The following DENND4A variants were observed in gnomAD, a reference collection of about 807,000 sequenced individuals.
The protein encoded by DENND4A is DENN domain containing 4A.
Under a neutral mutation model 199.3 loss-of-function variants are expected in DENND4A, and 70 were observed. The ratio of observed to expected loss-of-function variants is 0.35; its 90% CI spans 0.29 to 0.43. The LOEUF is 0.43. Among genes scored for constraint, DENND4A ranks in the 20% least tolerant of loss-of-function variants. DENND4A has a pLI of 1.00. For missense variants in DENND4A, 1,723 were observed against 2,255.8 expected (o/e 0.76, Z 4.78); for synonymous variants, 686 against 766.9 (o/e 0.89, Z 1.74).
intron 4 of DENND4A, among the ~76,000 whole-genome samples, chr15:65,742,917 TAA>T (rs1294298775): frequency 1.3e-5 from 2 of 152,320 alleles, no homozygotes; most frequent in South Asian, 2.1e-4. Context: ...ATAATTTATT[TAA>T]AAGTTTTGAA....
chr15:65,688,337 C>A (rs2076862451), intron 23 of DENND4A, among the ~76,000 whole-genome samples: 1 of 152,176 alleles, frequency 6.6e-6, no homozygotes, highest in Non-Finnish European at 1.5e-5. Context: ...CTTCCAACAT[C>A]TGAGTCATTC....
At chr15:65,774,921 G>C (rs867519109) in intron 1 of DENND4A, among the ~76,000 whole-genome samples, 1 of 146,590 alleles carries the variant, frequency 6.8e-6, no homozygotes, top group Non-Finnish European at 1.5e-5. Context: ...ACCCAGGCTG[G>C]AATGCAGTGG....
intron 3 of DENND4A, among the ~76,000 whole-genome samples, chr15:65,755,800 A>G (rs1449767972): frequency 1.3e-5 from 2 of 152,174 alleles, no homozygotes; most frequent in Non-Finnish European, 2.9e-5. Context: ...ACTGATCATT[A>G]TAACATGCTT....
chr15:65,672,965 A>G (rs981718268), intron 24 of DENND4A, among the ~76,000 whole-genome samples: 1 of 151,752 alleles, frequency 6.6e-6, no homozygotes, highest in African/African-American at 2.4e-5. Flanking sequence ...GGTTCAAGCA[A>G]TTCTCCTGCC....
chr15:65,746,260 C>G (rs1432046330), intron 4 of DENND4A, among the ~76,000 whole-genome samples: 1 of 151,580 alleles, frequency 6.6e-6, no homozygotes, highest in African/African-American at 2.4e-5. Flanking sequence ...AATAAGTATC[C>G]ACATTGTGGT....
At chr15:65,767,900 G>A (rs868566695) in intron 1 of DENND4A, among the ~76,000 whole-genome samples, 2 of 152,160 alleles carry the variant, frequency 1.3e-5, no homozygotes, top group Non-Finnish European at 2.9e-5. Flanking sequence ...AGAGATAAAG[G>A]AGAATAAAAT....
rs114687496 is a variant in DENND4A at position 65,710,988 on chromosome 15, G to A, written c.1953+4490C>T. 2.5e-3 allele frequency among the ~76,000 whole-genome samples: 376 copies of A among 152,198 alleles called. 1 individual carries two copies. The highest frequency in any genetic ancestry group is 8.7e-3 in the African/African-American group (362 of 41,522). ...CACCAGAAGCAGATGCCAGCACCTC[G>A]CTTTCTATAAAGCCAGTAGAACTAG... is the stretch of plus-strand genomic sequence containing the variant. On this transcript the variant is annotated intron_variant, in intron 14 of 32. Transcript: ENST00000443035.
intron 18 of DENND4A, 122 bp from the exon 19 acceptor site, chr15:65,701,314 C>G (rs1264641411): frequency 9.7e-6 from 8 of 827,286 alleles, no homozygotes; most frequent in Middle Eastern, 7.6e-4. Context: ...TGCCTGTAAT[C>G]CCAGCAATTT....
chr15:65,786,562 T>C (rs1482421809), intron 1 of DENND4A, among the ~76,000 whole-genome samples: 4 of 151,386 alleles, frequency 2.6e-5, no homozygotes, highest in African/African-American at 7.3e-5. Flanking sequence ...AAACCCAGTC[T>C]CTAAAAAGAA....
intron 23 of DENND4A, among the ~76,000 whole-genome samples, chr15:65,686,045 C>T (rs1299219914): frequency 6.6e-6 from 1 of 152,148 alleles, no homozygotes; most frequent in African/African-American, 2.4e-5. Flanking sequence ...ATCAGCTTGT[C>T]AAATTCTACA....
rs145565661 is a variant in DENND4A at position 65,676,654 on chromosome 15, C to G, written c.4180-20G>C. Reference sequence around the variant, plus strand: ...TTGATCCTAAGGACATAATTATAAGCTTAATTTCTTGTACATTTAAAGGTA... The same window carrying G: ...TTGATCCTAAGGACATAATTATAAGGTTAATTTCTTGTACATTTAAAGGTA... On this transcript the variant is annotated intron_variant, in intron 23 of 32. Transcript: ENST00000443035. 1.9e-6 allele frequency: 3 copies of G among 1,580,492 alleles called. No individual in the cohort carries two copies. In the South Asian group the frequency reaches 3.5e-5, roughly 19 times the overall value.
At chr15:65,741,468 A>T (rs1246724844) in intron 5 of DENND4A, among the ~76,000 whole-genome samples, 2 of 152,228 alleles carry the variant, frequency 1.3e-5, no homozygotes, top group African/African-American at 2.4e-5. Context: ...TAAAAACTTA[A>T]AGATAATTGA....
At chr15:65,761,082 T>G (rs545038620) in intron 2 of DENND4A, among the ~76,000 whole-genome samples, 15 of 152,316 alleles carry the variant, frequency 9.8e-5, no homozygotes, top group African/African-American at 3.6e-4. Context: ...TAATTTGAAC[T>G]CATTCACAAT....
intron 30 of DENND4A, 149 bp from the exon 31 acceptor site, chr15:65,664,871 A>G (rs985040762): frequency 7.3e-6 from 5 of 681,666 alleles, no homozygotes; most frequent in Non-Finnish European, 1.2e-5. Flanking sequence ...AGAATGAAGA[A>G]AGCAAAAAAT....
At chr15:65,742,315 G>A (rs908420782) in intron 4 of DENND4A, among the ~76,000 whole-genome samples, 1 of 151,628 alleles carries the variant, frequency 6.6e-6, no homozygotes, top group Non-Finnish European at 1.5e-5. Context: ...ATGGAGTCTC[G>A]CTCTGTCACC....
At chr15:65,746,287 GTACT>G (rs2076388080) in intron 4 of DENND4A, among the ~76,000 whole-genome samples, 1 of 146,884 alleles carries the variant, frequency 6.8e-6, no homozygotes, top group South Asian at 2.2e-4. Context: ...CAGCAAAAAC[GTACT>G]TTCAAATTCT....
intron 19 of DENND4A, 54 bp from the exon 20 acceptor site, chr15:65,700,729 A>G: frequency 6.9e-7 from 1 of 1,447,412 alleles, no homozygotes; most frequent in Non-Finnish European, 9.1e-7. Context: ...AATACACATT[A>G]ATTTGTTGCT....
At chr15:65,770,639 C>CAAAGTT (rs1555436565) in intron 1 of DENND4A, among the ~76,000 whole-genome samples, 3 of 152,054 alleles carry the variant, frequency 2.0e-5, no homozygotes, top group African/African-American at 7.2e-5. Context: ...AGATTTTACA[C>CAAAGTT]AAAGTTAAAG....
rs1267684314 is a variant in DENND4A, at chr15:65,756,125, T to TA, written c.311+14dup. 1.3e-6 allele frequency: 2 copies of TA among 1,577,296 alleles called. No homozygotes were observed. The highest frequency in any genetic ancestry group is 2.3e-5 in the East Asian group (1 of 44,342). On this transcript the variant is annotated intron_variant, in intron 3 of 32. Transcript: ENST00000443035. ...TTTGGATCAATAACAGTAAGTCGTT[T>TA]AAAAAAATACTTACCCCAGATCTGT... is the stretch of plus-strand genomic sequence containing the variant.
Sources: gnomAD v4.1 joint callset for allele counts (sites outside exome capture counted in the v4.1 genomes callset) on GRCh38, gnomAD v4.1.1 for gene constraint, MANE v1.5 for transcripts, NCBI Gene and HGNC (gene_info 2026-07-23, HGNC 2026-07-21) for gene names.